The following RETREG3 variants were observed in gnomAD, a reference collection of about 807,000 sequenced individuals.
The protein encoded by RETREG3 is reticulophagy regulator family member 3, also known as reticulophagy regulator 3.
A neutral mutation model predicts 50.2 loss-of-function variants in RETREG3; 23 were observed. That is an observed-to-expected ratio of 0.46 (90% CI 0.33 to 0.65). The LOEUF is 0.65. Ranked by LOEUF, RETREG3 falls within the 30% of genes least tolerant of loss-of-function variation. The pLI is 0.02. For synonymous variants in RETREG3, 240 were observed against 234.4 expected, an observed-to-expected ratio of 1.02 and a Z score of -0.22; for missense variants, 546 against 598.0, an observed-to-expected ratio of 0.91 and a Z score of 0.91.
At chr17:42,591,935 T>C (rs1251921270) in intron 2 of RETREG3, 121 bp downstream of exon 2, 37 of 818,172 alleles carry the variant, frequency 4.5e-5, no homozygotes, top group Middle Eastern at 3.7e-4. Context: ...AGCAAATGAT[T>C]CAGACTTCAA....
chr17:42,596,436 G>C (rs1209761690), intron 1 of RETREG3: 1 of 139,670 alleles, frequency 7.2e-6, no homozygotes, highest in Non-Finnish European at 1.5e-5. Flanking sequence ...TTATTACACT[G>C]TTTTATCTGC....
chr17:42,605,546 A>C (rs4793036), intron 1 of RETREG3, among the ~76,000 whole-genome samples: 76,615 of 151,882 alleles, frequency 0.5, 19,555 homozygotes, highest in South Asian at 0.64. Flanking sequence ...TTAAATCTCT[A>C]ATTACCTACC....
rs1232013094 is a variant in RETREG3, at chr17:42,597,521, G to GTA, written c.240-5360_240-5359insTA. The stretch of plus-strand genomic sequence containing the variant: ...TTTGTGTGTGTGTGTGTGTGTGTGT[G>GTA]TGTATATATATATATATATATTTCG... On this transcript the variant is annotated intron_variant, in intron 1 of 8. Transcript: ENST00000309428. Among the ~76,000 whole-genome samples the GTA allele has an allele frequency of 6.7e-3, 436 of 65,274 alleles. 12 individuals are homozygous for GTA. Among genetic ancestry groups the GTA allele is most frequent in the African/African-American group, 0.024 (424 of 17,884 alleles). The allele number at this position is 65,274 out of a possible 152,430, so 42.8% of individuals were successfully genotyped here.
chr17:42,585,347 A>AGG, intron 5 of RETREG3, 85 bp from the exon 6 acceptor site: 1 of 1,544,458 alleles, frequency 6.5e-7, no homozygotes, highest in East Asian at 2.3e-5. Context: ...ATTGGTCCTT[A>AGG]GGGCTTGGAC....
At chr17:42,600,218 A>G (rs550437918) in intron 1 of RETREG3, among the ~76,000 whole-genome samples, 47 of 152,210 alleles carry the variant, frequency 3.1e-4, no homozygotes, top group African/African-American at 1.1e-3. Context: ...CCTCATCTCT[A>G]CTGAAAAGAA....
intron 2 of RETREG3, among the ~76,000 whole-genome samples, chr17:42,590,836 G>A (rs374980322): frequency 2.7e-4 from 41 of 152,194 alleles, no homozygotes; most frequent in African/African-American, 9.4e-4. Context: ...GCATGGTGGT[G>A]CGTGCCTGTA....
intron 5 of RETREG3, 101 bp downstream of exon 5, chr17:42,585,952 G>T (rs2093120350): frequency 9.4e-7 from 1 of 1,068,156 alleles, no homozygotes. Flanking sequence ...ATATCCTAGA[G>T]AATTGAAATA....
intron 4 of RETREG3, 94 bp from the exon 5 acceptor site, chr17:42,586,231 CTG>C (rs563656749): frequency 2.8e-5 from 33 of 1,189,646 alleles, no homozygotes; most frequent in African/African-American, 1.5e-4. Flanking sequence ...CAGAAAGACT[CTG>C]TAAGTCAAGC....
intron 1 of RETREG3, among the ~76,000 whole-genome samples, chr17:42,607,227 G>A (rs997082131): frequency 3.3e-5 from 5 of 152,000 alleles, no homozygotes; most frequent in Admixed American, 6.6e-5. Flanking sequence ...GGCTGGGCAC[G>A]GTGGCTCATG....
intron 1 of RETREG3, among the ~76,000 whole-genome samples, chr17:42,595,769 A>G (rs1188290026): frequency 1.3e-5 from 2 of 150,264 alleles, no homozygotes; most frequent in Non-Finnish European, 3.0e-5. Context: ...CCCAGATTCA[A>G]GAGATTGATT....
At chr17:42,590,665 C>T (rs4375714) in intron 2 of RETREG3, among the ~76,000 whole-genome samples, 76,514 of 151,640 alleles carry the variant, frequency 0.5, 19,529 homozygotes, top group South Asian at 0.64. Flanking sequence ...GACCAAGACT[C>T]TGTCTGAAAA....
rs546909587 is a variant in RETREG3 at position 42,609,165 on chromosome 17, T to G, written c.160A>C (p.Ser54Arg). Residue 54 changes from serine to arginine, a missense_variant, in exon 1 of 9, where the codon AGT becomes CGT. Ser to Arg is a moderately radical substitution (Grantham distance 110). Transcript: ENST00000309428. ...EVLGPYEPLL[S>R]RVQAALVWER... ...CACACCAGGGCTGCCTGCACCCGAC[T>G]CAGCAGAGGCTCGTAAGGCCCCAGC... The G allele has an allele frequency of 1.3e-5, 21 of 1,610,568 alleles. No homozygotes were observed. The highest frequency in any genetic ancestry group is 3.3e-5 in the Admixed American group (2 of 59,998).
At chr17:42,594,293 C>T (rs999330199) in intron 1 of RETREG3, among the ~76,000 whole-genome samples, 29 of 152,072 alleles carry the variant, frequency 1.9e-4, no homozygotes, top group Admixed American at 9.2e-4. Flanking sequence ...TGGTGGCTGA[C>T]GCCTGTAATT....
At chr17:42,585,052 T>C (rs2093118367) in intron 6 of RETREG3, 73 bp downstream of exon 6, 1 of 1,557,548 alleles carries the variant, frequency 6.4e-7, no homozygotes, top group African/African-American at 1.4e-5. Flanking sequence ...ACCCACCCAG[T>C]ATGTCAGACC....
rs1036660559 is a variant in RETREG3, at chr17:42,602,945, C to CA, written c.239+6140dup. Among the ~76,000 whole-genome samples the CA allele has an allele frequency of 3.5e-4, 50 of 143,504 alleles. No homozygotes were observed. The South Asian group carries it at 3.5e-3, about 10-fold the overall frequency. The allele number at this position is 143,504 out of a possible 152,430, so 94.1% of individuals were successfully genotyped here. On this transcript the variant is annotated intron_variant, in intron 1 of 8. Transcript: ENST00000309428. ...GCGACAGTGAGATCCTGTCCCCCGC[C>CA]AAAAAAAAAACTTAAGATAGAAATT...
intron 1 of RETREG3, among the ~76,000 whole-genome samples, chr17:42,599,653 CAAA>C (rs71157649): frequency 9.2e-6 from 1 of 108,368 alleles, no homozygotes. Context: ...GGCTCCGTCT[CAAA>C]AAAAAAAAAA....
intron 1 of RETREG3, among the ~76,000 whole-genome samples, chr17:42,604,878 A>G (rs2093165003): frequency 6.6e-6 from 1 of 152,026 alleles, no homozygotes; most frequent in Non-Finnish European, 1.5e-5. Flanking sequence ...TTCTTTTCTG[A>G]TCCTGTCAGG....
intron 1 of RETREG3, among the ~76,000 whole-genome samples, chr17:42,597,625 T>G: frequency 6.7e-5 from 1 of 14,938 alleles, no homozygotes; most frequent in African/African-American, 2.4e-4. Flanking sequence ...ATATATTTTT[T>G]TTTTTTTTTT....
At chr17:42,587,793 G>C in intron 3 of RETREG3, 41 bp downstream of exon 3, 1 of 1,611,882 alleles carries the variant, frequency 6.2e-7, no homozygotes, top group Non-Finnish European at 8.5e-7. Flanking sequence ...ACAAGAGAAT[G>C]AATCAGAGCA....
Sources: allele counts gnomAD v4.1 joint callset (sites outside exome capture counted in the v4.1 genomes callset), GRCh38; gene constraint gnomAD v4.1.1; transcripts MANE v1.5; gene names NCBI Gene and HGNC (gene_info 2026-07-23, HGNC 2026-07-21).